The following CTDSPL2 variants were observed in gnomAD, a reference collection of about 807,000 sequenced individuals.
CTDSPL2 encodes CTD small phosphatase like 2, also known as CTD small phosphatase-like protein 2.
Under a neutral mutation model 60.0 loss-of-function variants are expected in CTDSPL2, and 5 were observed. The ratio of observed to expected loss-of-function variants is 0.08; its 90% confidence interval spans 0.04 to 0.18. The LOEUF (loss-of-function observed/expected upper bound fraction) is 0.18. CTDSPL2 is among the 10% of genes least tolerant of loss of function. The pLI, the probability that CTDSPL2 is intolerant of heterozygous loss-of-function variation, is 1.00. For synonymous variants in CTDSPL2, 186 were observed against 189.3 expected (o/e 0.98, Z 0.14); for missense variants, 370 against 548.8 (o/e 0.67, Z 3.26).
rs1184334109 is a variant in CTDSPL2 at position 44,459,255 on chromosome 15, C to T, written c.186+55C>T. ...ATTAAAAGTGAAAATTGGCCGGGCA[C>T]GGTGGCTCACGCCTGTAATCCCAGC... is the stretch of plus-strand genomic sequence containing the variant. On this transcript the variant is annotated intron_variant, in intron 2 of 12. Transcript: ENST00000260327. 65 of 1,328,862 alleles carry T rather than the reference C, an allele frequency of 4.9e-5. No individual in the cohort carries two copies. In the Middle Eastern group the frequency reaches 1.4e-3, roughly 29 times the overall value. The allele number at this position is 1,328,862 out of a possible 1,614,324, so 82.3% of individuals were successfully genotyped here. A position where few individuals can be genotyped will look rare whatever the true frequency, so the allele number is the denominator to read the frequency against.
At chr15:44,510,096 C>T (rs940718590) in intron 8 of CTDSPL2, among the ~76,000 whole-genome samples, 5 of 151,470 alleles carry the variant, frequency 3.3e-5, no homozygotes, top group Admixed American at 1.3e-4. Flanking sequence ...AGCAATTCTC[C>T]GGTCTCAGCC....
At chr15:44,505,817 C>T (rs918979915) in intron 8 of CTDSPL2, among the ~76,000 whole-genome samples, 2 of 151,336 alleles carry the variant, frequency 1.3e-5, no homozygotes, top group Non-Finnish European at 2.9e-5. Context: ...GAAGGTGTGA[C>T]AGTTGATTAC....
At chr15:44,521,210 G>T in intron 11 of CTDSPL2, 101 bp from the exon 12 acceptor site, 1 of 559,792 alleles carries the variant, frequency 1.8e-6, no homozygotes, top group Non-Finnish European at 3.1e-6. Context: ...GGAACTTTTA[G>T]ATCAGTGTTT....
At chr15:44,445,859 G>A (rs578116823) in intron 1 of CTDSPL2, among the ~76,000 whole-genome samples, 3 of 150,068 alleles carry the variant, frequency 2.0e-5, no homozygotes, top group South Asian at 2.1e-4. Flanking sequence ...GGCTGGTCTC[G>A]AATGCCTGAC....
intron 2 of CTDSPL2, among the ~76,000 whole-genome samples, chr15:44,477,694 T>C (rs1253870929): frequency 6.6e-6 from 1 of 151,816 alleles, no homozygotes; most frequent in Non-Finnish European, 1.5e-5. Context: ...AAAAATTAGC[T>C]GGGCATGGTG....
Position 44,479,762 on chromosome 15 carries a change from A to G in CTDSPL2, c.187-4462A>G, listed in dbSNP as rs143447762. On this transcript the variant is annotated intron_variant, in intron 2 of 12. Coordinates refer to ENST00000260327, the MANE Select transcript of CTDSPL2 (RefSeq NM_016396.3). Reference sequence around the variant, plus strand: ...AGATTATAATTTTTATCTTTTCCCTATGCATCTTTTTCTGACACGTGTTCT... The same window carrying G: ...AGATTATAATTTTTATCTTTTCCCTGTGCATCTTTTTCTGACACGTGTTCT... Among the ~76,000 whole-genome samples the G allele has an allele frequency of 6.4e-3, 965 of 151,786 alleles. 10 individuals are homozygous for G. Among genetic ancestry groups the G allele is most frequent in the African/African-American group, 0.022 (890 of 41,392 alleles).
At chr15:44,466,064 A>G (rs1409979464) in intron 2 of CTDSPL2, among the ~76,000 whole-genome samples, 1 of 152,004 alleles carries the variant, frequency 6.6e-6, no homozygotes, top group Non-Finnish European at 1.5e-5. Context: ...CTTCCTGAGT[A>G]GATGGGATTA....
intron 8 of CTDSPL2, among the ~76,000 whole-genome samples, chr15:44,513,208 G>A (rs1415994984): frequency 6.6e-6 from 1 of 152,174 alleles, no homozygotes; most frequent in African/African-American, 2.4e-5. Context: ...GCTCACGCCT[G>A]TAATCTCAGC....
chr15:44,509,629 G>C lies in CTDSPL2; in HGVS notation c.970-4969G>C, dbSNP rs1193062293. ...CATCAAGTATTATTCATATCAAGTA[G>C]TAGTAGTGTAGTGGGTTTTTTGAAA... On this transcript the variant is annotated intron_variant, in intron 8 of 12. Coordinates refer to ENST00000260327, the MANE Select transcript of CTDSPL2 (RefSeq NM_016396.3). 2.0e-5 allele frequency among the ~76,000 whole-genome samples: 3 copies of C among 151,962 alleles called. No individual in the cohort carries two copies. In the East Asian group the frequency reaches 5.8e-4, roughly 30 times the overall value.
At chr15:44,482,673 G>C (rs1051562459) in intron 2 of CTDSPL2, among the ~76,000 whole-genome samples, 2 of 152,110 alleles carry the variant, frequency 1.3e-5, no homozygotes, top group Non-Finnish European at 2.9e-5. Flanking sequence ...TTTTATTGTG[G>C]ATCACTGAGG....
chr15:44,511,326 A>G (rs1391854428), intron 8 of CTDSPL2, among the ~76,000 whole-genome samples: 1 of 152,260 alleles, frequency 6.6e-6, no homozygotes, highest in Non-Finnish European at 1.5e-5. Context: ...TAGTTAAAGT[A>G]GTAGTATGCA....
intron 4 of CTDSPL2, among the ~76,000 whole-genome samples, chr15:44,489,382 C>T (rs1017978429): frequency 3.3e-5 from 5 of 152,028 alleles, no homozygotes; most frequent in Non-Finnish European, 7.3e-5. Context: ...ACCACGAAGT[C>T]TAACTAGATG....
rs2081503853 is a variant in CTDSPL2, at chr15:44,508,157, A to C, written c.970-6441A>C. 2.0e-5 allele frequency among the ~76,000 whole-genome samples: 3 copies of C among 150,880 alleles called. No homozygotes were observed. In the South Asian group the frequency reaches 6.3e-4, roughly 32 times the overall value. On this transcript the variant is annotated intron_variant, in intron 8 of 12. Coordinates refer to ENST00000260327, the MANE Select transcript of CTDSPL2 (RefSeq NM_016396.3). ...GAGTACAGTGACATGATCACATCTC[A>C]CTGCAGCCTCAACCTCCTGGGTTCA...
At chr15:44,448,143 A>G in intron 1 of CTDSPL2, 1 of 260,182 alleles carries the variant, frequency 3.8e-6, no homozygotes, top group South Asian at 3.9e-5. Context: ...ACTCCACACC[A>G]GAGCCCATGT....
chr15:44,460,905 A>T (rs1248661881), intron 2 of CTDSPL2, among the ~76,000 whole-genome samples: 2 of 152,142 alleles, frequency 1.3e-5, no homozygotes, highest in African/African-American at 4.8e-5. Flanking sequence ...TGTTGATGGG[A>T]ACCTTGCTAC....
chr15:44,520,770 T>C (rs1289658062), intron 11 of CTDSPL2: 2 of 152,228 alleles, frequency 1.3e-5, no homozygotes, highest in East Asian at 1.9e-4. Flanking sequence ...AAAATAAATA[T>C]GGCTTGCATT....
intron 1 of CTDSPL2, among the ~76,000 whole-genome samples, chr15:44,435,662 A>G (rs1371830960): frequency 7.2e-6 from 1 of 138,160 alleles, no homozygotes; most frequent in African/African-American, 2.7e-5. Flanking sequence ...TCTGGAGCGC[A>G]GTGGCGCAAT....
At chr15:44,487,795 C>A (rs1294604670) in intron 4 of CTDSPL2, among the ~76,000 whole-genome samples, 1 of 151,716 alleles carries the variant, frequency 6.6e-6, no homozygotes, top group Non-Finnish European at 1.5e-5. Flanking sequence ...GTTTTTTTCC[C>A]CAAGGTGAAA....
At chr15:44,517,207 T>G (rs143873530) in intron 10 of CTDSPL2, 2 of 149,922 alleles carry the variant, frequency 1.3e-5, no homozygotes, top group African/African-American at 2.4e-5. Flanking sequence ...CAAGGTAGAC[T>G]CTAAGAAATT....
Sources: allele counts gnomAD v4.1 joint callset (sites outside exome capture counted in the v4.1 genomes callset), GRCh38; gene constraint gnomAD v4.1.1; transcripts MANE v1.5; gene names NCBI Gene and HGNC (gene_info 2026-07-23, HGNC 2026-07-21).